The following TRHDE variants were observed in gnomAD, a reference collection of about 807,000 sequenced individuals.
TRHDE encodes the protein thyrotropin releasing hormone degrading enzyme.
Under a neutral mutation model 125.7 loss-of-function variants are expected in TRHDE, and 72 were observed. The observed-to-expected ratio is 0.57, with a 90% CI of 0.47 to 0.70. The LOEUF is 0.70. Among genes scored for constraint, TRHDE ranks in the 30% least tolerant of loss-of-function variants. TRHDE has a pLI of 0.00. For missense variants in TRHDE, 1,110 were observed against 1,327.1 expected, an observed-to-expected ratio of 0.84 and a Z score of 2.54; for synonymous variants, 509 against 509.1, an observed-to-expected ratio of 1.00 and a Z score of 0.00.
chr12:72,090,906 C>G (rs1162081438), intron 1 of TRHDE, among the ~76,000 whole-genome samples: 1 of 151,500 alleles, frequency 6.6e-6, no homozygotes, highest in Non-Finnish European at 1.5e-5. Context: ...CAGGCTGAAT[C>G]TGTCCCTAGG....
At chr12:72,291,478 T>C (rs953796197) in intron 2 of TRHDE, among the ~76,000 whole-genome samples, 52 of 152,250 alleles carry the variant, frequency 3.4e-4, no homozygotes, top group African/African-American at 1.1e-3. Context: ...AGGCATCCTT[T>C]CTTTTCCAAT....
At chr12:72,498,725 T>C (rs1878019716) in intron 5 of TRHDE, among the ~76,000 whole-genome samples, 1 of 152,170 alleles carries the variant, frequency 6.6e-6, no homozygotes, top group Admixed American at 6.6e-5. Context: ...GTTTATTTTT[T>C]AACATAGCAA....
intron 2 of TRHDE, among the ~76,000 whole-genome samples, chr12:72,213,498 C>G (rs975207370): frequency 6.6e-6 from 1 of 151,966 alleles, no homozygotes; most frequent in Non-Finnish European, 1.5e-5. Flanking sequence ...GACAGGGAAC[C>G]GAGCTTCAAA....
At chr12:72,107,778 G>T (rs777248462) in intron 2 of TRHDE, among the ~76,000 whole-genome samples, 2 of 152,054 alleles carry the variant, frequency 1.3e-5, no homozygotes, top group African/African-American at 4.8e-5. Context: ...ATCATTTGCT[G>T]AGAATTTAAA....
Position 72,299,084 on chromosome 12 carries a change from A to G in TRHDE, c.1188+12130A>G, listed in dbSNP as rs752549430. Among the ~76,000 whole-genome samples the G allele has an allele frequency of 4.6e-5, 7 of 152,202 alleles. No individual in the cohort carries two copies. In the South Asian group the frequency reaches 1.2e-3, roughly 27 times the overall value. ...AAAGGTTGATGTCACTCAGATTCAA[A>G]TGGTTCTTATAGGATTTGATATCAA... is the stretch of plus-strand genomic sequence containing the variant. On this transcript the variant is annotated intron_variant, in intron 2 of 18. Coordinates refer to ENST00000261180, the MANE Select transcript of TRHDE (RefSeq NM_013381.3).
intron 3 of TRHDE, among the ~76,000 whole-genome samples, chr12:72,444,288 A>G (rs1005972680): frequency 4.6e-5 from 7 of 151,894 alleles, no homozygotes; most frequent in African/African-American, 1.7e-4. Context: ...AGCTTCTACT[A>G]CAAATTCCCT....
At chr12:72,424,943 G>A (rs1381555063) in intron 3 of TRHDE, among the ~76,000 whole-genome samples, 2 of 151,910 alleles carry the variant, frequency 1.3e-5, no homozygotes, top group Non-Finnish European at 2.9e-5. Flanking sequence ...AAATAAAACT[G>A]AAATCACAGA....
intron 2 of TRHDE, among the ~76,000 whole-genome samples, chr12:72,362,979 A>C (rs1175619334): frequency 6.6e-6 from 1 of 152,016 alleles, no homozygotes; most frequent in African/African-American, 2.4e-5. Context: ...CTTGTAGTAT[A>C]GTTTGAAGTC....
chr12:72,419,043 AT>A (rs2135824085), intron 3 of TRHDE, among the ~76,000 whole-genome samples: 1 of 152,292 alleles, frequency 6.6e-6, no homozygotes, highest in East Asian at 1.9e-4. Flanking sequence ...GTAAAGAGAT[AT>A]TAAATTATAA....
intron 3 of TRHDE, among the ~76,000 whole-genome samples, chr12:72,457,066 A>G (rs577436725): frequency 4.5e-4 from 69 of 152,294 alleles, no homozygotes; most frequent in African/African-American, 1.6e-3. Context: ...AATTTGATCA[A>G]TGCCTCCCAG....
chr12:72,518,580 G>C (rs1316241653), intron 6 of TRHDE, among the ~76,000 whole-genome samples: 1 of 152,070 alleles, frequency 6.6e-6, no homozygotes, highest in Non-Finnish European at 1.5e-5. Context: ...GCACACTGAT[G>C]GGTCTTGACT....
chr12:72,519,316 C>T (rs1879052545), intron 6 of TRHDE, among the ~76,000 whole-genome samples: 1 of 152,146 alleles, frequency 6.6e-6, no homozygotes, highest in Non-Finnish European at 1.5e-5. Flanking sequence ...TCACATAGTC[C>T]CATATTTCTT....
Position 72,563,007 on chromosome 12 carries a change from C to A in TRHDE, c.2009C>A (p.Ala670Asp). The change falls in exon 9 of 19, where the codon GCT becomes GAT. Residue 670 changes from alanine to aspartate, a missense_variant. This residue lies in a region of TRHDE where 527 missense variants were observed against 651.8 expected (regional missense o/e 0.81). Transcript: ENST00000261180. ...CAGCATTTTATCTATGATATCAGTGCTAAAACTAAAGCACTTAAACTTCAG... is the reference window on the plus strand; with the variant it reads ...CAGCATTTTATCTATGATATCAGTGATAAAACTAAAGCACTTAAACTTCAG... ...TQQHFIYDIS[A>D]KTKALKLQNN... is the part of the protein sequence containing the mutation. 6.2e-7 allele frequency: 1 copy of A among 1,604,038 alleles called. No individual in the cohort carries two copies.
chr12:72,523,318 A>G (rs1868280600), intron 6 of TRHDE, among the ~76,000 whole-genome samples: 1 of 152,116 alleles, frequency 6.6e-6, no homozygotes, highest in South Asian at 2.1e-4. Context: ...GGCTCCTGTT[A>G]GTAGCAACTG....
chr12:72,426,846 C>T (rs183700482), intron 3 of TRHDE, among the ~76,000 whole-genome samples: 1 of 152,092 alleles, frequency 6.6e-6, no homozygotes, highest in African/African-American at 2.4e-5. Flanking sequence ...TGCTAATACT[C>T]CATTTGTTGT....
chr12:72,094,420 C>T (rs942697731), intron 1 of TRHDE, among the ~76,000 whole-genome samples: 7 of 152,092 alleles, frequency 4.6e-5, no homozygotes, highest in Non-Finnish European at 7.4e-5. Context: ...TTGGTGGTTC[C>T]CTAGGTGGGC....
At chr12:72,500,745 G>A (rs554721770) in intron 6 of TRHDE, among the ~76,000 whole-genome samples, 10 of 151,758 alleles carry the variant, frequency 6.6e-5, no homozygotes, top group South Asian at 6.2e-4. Flanking sequence ...ATGAATAACC[G>A]CATGGAAATA....
intron 6 of TRHDE, among the ~76,000 whole-genome samples, chr12:72,527,735 T>C (rs554304673): frequency 6.6e-6 from 1 of 152,234 alleles, no homozygotes; most frequent in East Asian, 1.9e-4. Flanking sequence ...GACTGACATA[T>C]GCTATATGTA....
At chr12:72,588,347 G>A (rs1009099369) in intron 12 of TRHDE, among the ~76,000 whole-genome samples, 1 of 152,178 alleles carries the variant, frequency 6.6e-6, no homozygotes, top group African/African-American at 2.4e-5. Context: ...AACCATCTGA[G>A]TAGAGCATTC....
Sources: allele counts gnomAD v4.1 joint callset (sites outside exome capture counted in the v4.1 genomes callset), GRCh38; gene constraint gnomAD v4.1.1; regional missense constraint gnomAD v4.1.1; transcripts MANE v1.5; gene names NCBI Gene and HGNC (gene_info 2026-07-23, HGNC 2026-07-21).